DGKI: variants seen among roughly 807,000 people sequenced by gnomAD.
DGKI encodes diacylglycerol kinase iota, also known as DAG kinase iota.
In DGKI, 55 loss-of-function variants were observed where a neutral mutation model predicts 147.5. The ratio of observed to expected loss-of-function variants is 0.37; its 90% CI spans 0.30 to 0.47. The LOEUF (loss-of-function observed/expected upper bound fraction) is 0.47. DGKI is among the 20% of genes least tolerant of loss of function. DGKI has a pLI of 1.00. For missense variants in DGKI, 1,007 were observed against 1,323.8 expected, an observed-to-expected ratio of 0.76 and a Z score of 3.71; for synonymous variants, 469 against 477.1, an observed-to-expected ratio of 0.98 and a Z score of 0.22.
intron 1 of DGKI, among the ~76,000 whole-genome samples, chr7:137,814,315 A>C (rs1183613347): frequency 6.6e-6 from 1 of 152,164 alleles, no homozygotes; most frequent in African/African-American, 2.4e-5. Context: ...AAGAAATGCC[A>C]AAAAACGATT....
chr7:137,774,334 AAG>A (rs1374303637), intron 1 of DGKI, among the ~76,000 whole-genome samples: 1 of 152,200 alleles, frequency 6.6e-6, no homozygotes, highest in Non-Finnish European at 1.5e-5. Context: ...AAATAGGTCA[AAG>A]AGAGATTTTC....
At chr7:137,659,866 G>A (rs1487343495) in intron 3 of DGKI, among the ~76,000 whole-genome samples, 2 of 152,322 alleles carry the variant, frequency 1.3e-5, no homozygotes, top group Admixed American at 6.5e-5. Flanking sequence ...CCGGGAGGCA[G>A]AGCTTGCAGT....
At chr7:137,568,653 C>T (rs1023124174) in intron 19 of DGKI, among the ~76,000 whole-genome samples, 3 of 152,156 alleles carry the variant, frequency 2.0e-5, no homozygotes, top group Non-Finnish European at 4.4e-5. Context: ...TTCCTCTTTG[C>T]AAATATCACT....
At chr7:137,646,888 T>G (rs1024157070) in intron 5 of DGKI, among the ~76,000 whole-genome samples, 2 of 152,170 alleles carry the variant, frequency 1.3e-5, no homozygotes, top group Non-Finnish European at 2.9e-5. Context: ...AGCATTAGCA[T>G]TATCAATACT....
intron 2 of DGKI, among the ~76,000 whole-genome samples, chr7:137,688,476 G>A (rs1395664725): frequency 1.3e-5 from 2 of 152,170 alleles, no homozygotes; most frequent in Non-Finnish European, 2.9e-5. Flanking sequence ...AAAGAAATCA[G>A]TGACTTACCT....
chr7:137,542,187 C>G (rs1303574285), intron 20 of DGKI, among the ~76,000 whole-genome samples: 1 of 152,132 alleles, frequency 6.6e-6, no homozygotes, highest in Non-Finnish European at 1.5e-5. Context: ...ATGGTGCGAC[C>G]ATTCTGGAAA....
At chr7:137,519,442 G>C (rs898790479) in intron 21 of DGKI, among the ~76,000 whole-genome samples, 4 of 152,056 alleles carry the variant, frequency 2.6e-5, no homozygotes, top group Admixed American at 6.6e-5. Flanking sequence ...AACTTCAAAC[G>C]CAGTACCATG....
intron 20 of DGKI, 67 bp from the exon 21 acceptor site, chr7:137,522,033 G>A (rs1727103875): frequency 3.6e-6 from 4 of 1,112,992 alleles, no homozygotes. Flanking sequence ...TGCACCTGAA[G>A]GAATAAGGGC....
At chr7:137,506,477 C>A (rs1816372050) in intron 21 of DGKI, among the ~76,000 whole-genome samples, 1 of 152,124 alleles carries the variant, frequency 6.6e-6, no homozygotes, top group Non-Finnish European at 1.5e-5. Context: ...AAAGACATAA[C>A]ACAAGGTATT....
chr7:137,619,454 C>T (rs1021067286), intron 8 of DGKI, among the ~76,000 whole-genome samples: 22 of 152,308 alleles, frequency 1.4e-4, no homozygotes, highest in African/African-American at 5.1e-4. Context: ...TGCCCTCACA[C>T]TGACCCTCTG....
At chr7:137,410,484 G>A (rs2351139) in intron 29 of DGKI, among the ~76,000 whole-genome samples, 1 of 151,980 alleles carries the variant, frequency 6.6e-6, no homozygotes, top group African/African-American at 2.4e-5. Flanking sequence ...AATGCATTAG[G>A]TTGGTGCAAA....
chr7:137,776,875 T>C (rs768683661), intron 1 of DGKI, among the ~76,000 whole-genome samples: 1 of 151,672 alleles, frequency 6.6e-6, no homozygotes, highest in African/African-American at 2.4e-5. Flanking sequence ...GAGATAATAA[T>C]CAATTGTAAG....
rs78939579 is a variant in DGKI, at chr7:137,423,689, C to T, written c.2762-11482G>A. On this transcript the variant is annotated intron_variant, in intron 28 of 32. Transcript: ENST00000614521. ...CTTTTTAAACCAAAAAGAAGAACAG[C>T]CAAACACCCCTCACTGGAACAAAAG... Among the ~76,000 whole-genome samples, 523 of 152,200 alleles carry T rather than the reference C, an allele frequency of 3.4e-3. 2 individuals are homozygous for T. The highest frequency in any genetic ancestry group is 6.4e-3 in the Non-Finnish European group (435 of 67,996).
chr7:137,806,428 A>C (rs1331210007), intron 1 of DGKI, among the ~76,000 whole-genome samples: 1 of 151,854 alleles, frequency 6.6e-6, no homozygotes, highest in Non-Finnish European at 1.5e-5. Context: ...TCAGAAACTG[A>C]ACCTTTGCTT....
intron 1 of DGKI, among the ~76,000 whole-genome samples, chr7:137,693,488 C>A (rs1220497425): frequency 6.6e-6 from 1 of 152,110 alleles, no homozygotes; most frequent in Non-Finnish European, 1.5e-5. Context: ...CAGTTAATAT[C>A]AATTACCTGA....
At chr7:137,762,687 G>A (rs1019365979) in intron 1 of DGKI, among the ~76,000 whole-genome samples, 7 of 152,038 alleles carry the variant, frequency 4.6e-5, no homozygotes, top group South Asian at 2.1e-4. Flanking sequence ...CTCCTTGCTC[G>A]GTTCAATAGC....
intron 1 of DGKI, among the ~76,000 whole-genome samples, chr7:137,800,489 T>C (rs1029241237): frequency 6.6e-6 from 1 of 152,100 alleles, no homozygotes; most frequent in Non-Finnish European, 1.5e-5. Flanking sequence ...AGACACCTGC[T>C]CCCTCTTCGA....
chr7:137,807,342 T>C (rs1797411550), intron 1 of DGKI, among the ~76,000 whole-genome samples: 1 of 152,230 alleles, frequency 6.6e-6, no homozygotes, highest in Non-Finnish European at 1.5e-5. Context: ...CAGTAACAGT[T>C]CCAAATGGAT....
chr7:137,428,126 G>A (rs1464761043), intron 28 of DGKI, among the ~76,000 whole-genome samples: 1 of 143,490 alleles, frequency 7.0e-6, no homozygotes, highest in African/African-American at 2.6e-5. Flanking sequence ...CAATATCCTT[G>A]ATGAACATTG....
Sources: allele counts gnomAD v4.1 joint callset (sites outside exome capture counted in the v4.1 genomes callset), GRCh38; gene constraint gnomAD v4.1.1; transcripts MANE v1.5; gene names NCBI Gene and HGNC (gene_info 2026-07-23, HGNC 2026-07-21).